ADI1: variants seen among roughly 807,000 people sequenced by gnomAD.
ADI1 encodes the protein acireductone dioxygenase 1.
ADI1 carries 21 observed loss-of-function variants against 18.7 expected under a neutral mutation model. The ratio of observed to expected loss-of-function variants is 1.13; its 90% CI spans 0.80 to 1.62. ADI1 has a LOEUF of 1.62. ADI1 is among the 40% of genes most tolerant of loss of function. The pLI is 0.00. For missense variants in ADI1, 245 were observed against 254.9 expected (o/e 0.96, Z 0.26); for synonymous variants, 90 against 100.1 (o/e 0.90, Z 0.60).
Position 3,519,213 on chromosome 2 carries a change from C to T in ADI1, c.120+155G>A, listed in dbSNP as rs1209463227. The T allele has an allele frequency of 6.9e-6, 8 of 1,163,824 alleles. No homozygotes were observed. In the South Asian group the frequency reaches 1.2e-4, roughly 17 times the overall value. The allele number at this position is 1,163,824 out of a possible 1,614,324, so 72.1% of individuals were successfully genotyped here. On this transcript the variant is annotated intron_variant, in intron 1 of 3. Transcript: ENST00000327435. ...AGCATGCGCAGCCCACCCCAGGCACCGGGAGCCGCCACGAACCCCCAAATC... is the reference window on the plus strand; with the variant it reads ...AGCATGCGCAGCCCACCCCAGGCACTGGGAGCCGCCACGAACCCCCAAATC...
At chr2:3,500,693 G>A (rs1030197219) in intron 3 of ADI1, 121 bp downstream of exon 3, 46 of 1,290,552 alleles carry the variant, frequency 3.6e-5, no homozygotes, top group Non-Finnish European at 4.9e-5. Context: ...CACAGGTCGA[G>A]GAGTCCCGAG....
rs367653600 is a variant in ADI1 at position 3,500,826 on chromosome 2, C to T, written c.408G>A (p.Thr136=). 146 of 1,614,132 alleles carry T rather than the reference C, an allele frequency of 9.0e-5. No homozygotes were observed. Among genetic ancestry groups the T allele is most frequent in the South Asian group, 8.2e-4 (75 of 91,084 alleles). Residue 136 remains threonine, a synonymous_variant, in exon 3 of 4, where the codon ACG becomes ACA. Coordinates refer to ENST00000327435, the MANE Select transcript of ADI1 (RefSeq NM_018269.4). ...ACAGCACTCCCACCTTCTCGTCCAC[C>T]GTGAAGCGGTGATAGATCCCCGCGG... ...TLPAGIYHRF[T]VDEKNYTKAM...
intron 2 of ADI1, among the ~76,000 whole-genome samples, chr2:3,504,770 G>A (rs971889493): frequency 1.3e-5 from 2 of 152,048 alleles, no homozygotes; most frequent in Non-Finnish European, 2.9e-5. Flanking sequence ...TGTACTGTTT[G>A]TTCACCTGTG....
At chr2:3,503,796 C>A (rs1667103385) in intron 2 of ADI1, among the ~76,000 whole-genome samples, 1 of 152,176 alleles carries the variant, frequency 6.6e-6, no homozygotes, top group Non-Finnish European at 1.5e-5. Flanking sequence ...GCTTGCCAAG[C>A]CTGAGGTCTG....
At chr2:3,507,370 G>A (rs890239657) in intron 2 of ADI1, among the ~76,000 whole-genome samples, 1 of 152,020 alleles carries the variant, frequency 6.6e-6, no homozygotes, top group Non-Finnish European at 1.5e-5. Context: ...TCTGTACCTA[G>A]GCATATCATA....
In ADI1 at chr2:3,497,887, T is replaced by G. The variant is rs1666902511; in HGVS notation, c.*1076A>C. On this transcript the variant is annotated 3_prime_UTR_variant, in exon 4 of 4. Coordinates refer to ENST00000327435, the MANE Select transcript of ADI1 (RefSeq NM_018269.4). ...AAAAATGAACAAGCTCTATTTATAA[T>G]GCCCATTTAGAAATGAATCCATTAA... 1 of 152,196 alleles carries G rather than the reference T, an allele frequency of 6.6e-6. No homozygotes were observed. Among genetic ancestry groups the G allele is most frequent in the African/African-American group, 2.4e-5 (1 of 41,446 alleles). 9.4% of individuals were successfully genotyped at this position (152,196 alleles called of 1,614,324 possible). A position where few individuals can be genotyped will look rare whatever the true frequency, so the allele number is the denominator to read the frequency against.
At chr2:3,500,528 CCGCCGCA>C (rs1282528712) in intron 3 of ADI1, 2 of 184,130 alleles carry the variant, frequency 1.1e-5, no homozygotes, top group African/African-American at 1.2e-3. Flanking sequence ...TGTGTACCTG[CCGCCGCA>C]TGTACCTGCC....
In ADI1 at chr2:3,498,853, A is replaced by G; in HGVS notation, c.*110T>C. The G allele has an allele frequency of 6.9e-7, 1 of 1,446,674 alleles. No individual in the cohort carries two copies. The highest frequency in any genetic ancestry group is 9.3e-7 in the Non-Finnish European group (1 of 1,075,290). The allele number at this position is 1,446,674 out of a possible 1,614,324, so 89.6% of individuals were successfully genotyped here. On this transcript the variant is annotated 3_prime_UTR_variant, in exon 4 of 4. Coordinates refer to ENST00000327435, the MANE Select transcript of ADI1 (RefSeq NM_018269.4). ...CAAATAATCTTACAAAGGAAAGATAATCTAGCCTCAAGGCTATCCTCTAAA... is the reference window on the plus strand; with the variant it reads ...CAAATAATCTTACAAAGGAAAGATAGTCTAGCCTCAAGGCTATCCTCTAAA...
Position 3,498,506 on chromosome 2 carries a change from G to C in ADI1, c.*457C>G, listed in dbSNP as rs1393746250. ...ACAAGGAAGTGGCATAAGCAACTCA[G>C]TGTGTGCCCCTTAGGGTGGGAGCTC... is the stretch of plus-strand genomic sequence containing the variant. On this transcript the variant is annotated 3_prime_UTR_variant, in exon 4 of 4. Transcript: ENST00000327435. 6.5e-6 allele frequency: 1 copy of C among 154,528 alleles called. No individual in the cohort carries two copies. The highest frequency in any genetic ancestry group is 1.4e-5 in the Non-Finnish European group (1 of 69,672). The allele number at this position is 154,528 out of a possible 1,614,324, so 9.6% of individuals were successfully genotyped here.
intron 1 of ADI1, chr2:3,515,091 A>C (rs1667370723): frequency 3.1e-6 from 1 of 321,722 alleles, no homozygotes; most frequent in Non-Finnish European, 5.4e-6. Flanking sequence ...CACCTTAAAA[A>C]ATAAAATAAC....
At chr2:3,515,709 G>C (rs1218582467) in intron 1 of ADI1, 1 of 162,944 alleles carries the variant, frequency 6.1e-6, no homozygotes, top group Non-Finnish European at 1.3e-5. Context: ...CTCCCCTTTT[G>C]AAACCCTTAA....
chr2:3,507,566 TGAA>T (rs1215117936), intron 2 of ADI1, among the ~76,000 whole-genome samples: 1 of 150,718 alleles, frequency 6.6e-6, no homozygotes, highest in Non-Finnish European at 1.5e-5. Flanking sequence ...CCCTTAAAAG[TGAA>T]GAAGAAATAA....
At chr2:3,508,780 T>A (rs546597923) in intron 2 of ADI1, among the ~76,000 whole-genome samples, 10 of 152,068 alleles carry the variant, frequency 6.6e-5, no homozygotes, top group Non-Finnish European at 1.3e-4. Context: ...GGTGTGCACC[T>A]GTAGTCCCAG....
rs1461286982 is a variant in ADI1 at position 3,514,785 on chromosome 2, C to G, written c.121-809G>C. ...ACACTTTATGTTTTGCAATAAACTG[C>G]ACATTATATCATCACTACTTACTGA... On this transcript the variant is annotated intron_variant, in intron 1 of 3. Transcript: ENST00000327435. The G allele has an allele frequency of 1.9e-6, 3 of 1,547,620 alleles. No individual in the cohort carries two copies. In the South Asian group the frequency reaches 3.6e-5, roughly 18 times the overall value.
chr2:3,519,105 C>T (rs953946863), intron 1 of ADI1, among the ~76,000 whole-genome samples: 6 of 151,486 alleles, frequency 4.0e-5, no homozygotes, highest in African/African-American at 1.5e-4. Flanking sequence ...GGGCTGACCG[C>T]CGACCCCTCA....
intron 1 of ADI1, among the ~76,000 whole-genome samples, chr2:3,518,591 T>C (rs1667458624): frequency 6.6e-6 from 1 of 152,030 alleles, no homozygotes; most frequent in Non-Finnish European, 1.5e-5. Context: ...CCAAGCCAGC[T>C]CCACCGCCCA....
intron 3 of ADI1, among the ~76,000 whole-genome samples, chr2:3,499,454 C>T (rs1170799869): frequency 6.6e-6 from 1 of 152,164 alleles, no homozygotes; most frequent in African/African-American, 2.4e-5. Flanking sequence ...AGCATCAGGG[C>T]CCACATGTTG....
chr2:3,516,078 A>C lies in ADI1; in HGVS notation c.121-2102T>G, dbSNP rs1388206734. The C allele has an allele frequency of 2.3e-5, 22 of 975,792 alleles. No individual in the cohort carries two copies. The South Asian group carries it at 7.6e-4, about 34-fold the overall frequency. 60.4% of individuals were successfully genotyped at this position (975,792 alleles called of 1,614,324 possible). On this transcript the variant is annotated intron_variant, in intron 1 of 3. Coordinates refer to ENST00000327435, the MANE Select transcript of ADI1 (RefSeq NM_018269.4). ...TATATGACACGTGTCATAAGTTTAAATATACGAATGTTGAAACTTAACACA... is the reference window on the plus strand; with the variant it reads ...TATATGACACGTGTCATAAGTTTAACTATACGAATGTTGAAACTTAACACA...
At chr2:3,518,336 T>C (rs1263997800) in intron 1 of ADI1, among the ~76,000 whole-genome samples, 1 of 152,258 alleles carries the variant, frequency 6.6e-6, no homozygotes, top group Non-Finnish European at 1.5e-5. Flanking sequence ...CAGGTAACCC[T>C]GTGTATTTCA....
Sources: gnomAD v4.1 joint callset for allele counts (sites outside exome capture counted in the v4.1 genomes callset) on GRCh38, gnomAD v4.1.1 for gene constraint, MANE v1.5 for transcripts, NCBI Gene and HGNC (gene_info 2026-07-23, HGNC 2026-07-21) for gene names.